LRRC28: variants seen among roughly 807,000 people sequenced by gnomAD.
LRRC28 encodes leucine-rich repeat-containing protein 28.
In LRRC28, 39 loss-of-function variants were observed where a neutral mutation model predicts 45.7. That is an observed-to-expected ratio of 0.85 (90% CI 0.66 to 1.12). LRRC28 has a LOEUF of 1.12. Among genes scored for constraint, LRRC28 ranks in the 50% most tolerant of loss-of-function variants. The pLI, the probability that LRRC28 is intolerant of heterozygous loss-of-function variation, is 0.00. For synonymous variants in LRRC28, 206 were observed against 178.8 expected (o/e 1.15, Z -1.22); for missense variants, 435 against 438.5 (o/e 0.99, Z 0.07).
chr15:99,284,913 C>A, intron 3 of LRRC28: 1 of 594,370 alleles, frequency 1.7e-6, no homozygotes, highest in Non-Finnish European at 3.2e-6. Flanking sequence ...ATCATGACTG[C>A]TGAAGTTTCC....
intron 5 of LRRC28, among the ~76,000 whole-genome samples, chr15:99,290,207 C>T (rs575048585): frequency 5.2e-4 from 78 of 150,364 alleles, no homozygotes; most frequent in African/African-American, 1.6e-3. Flanking sequence ...TGCAGTGAGC[C>T]GAGATTGCAC....
chr15:99,257,535 C>T (rs901222977), intron 2 of LRRC28: 2 of 458,370 alleles, frequency 4.4e-6, no homozygotes, highest in East Asian at 4.4e-5. Context: ...GTGGGCGGAC[C>T]ACGCGGCTGG....
chr15:99,383,921 A>G (rs1214853353), intron 9 of LRRC28, among the ~76,000 whole-genome samples: 1 of 152,144 alleles, frequency 6.6e-6, no homozygotes, highest in Non-Finnish European at 1.5e-5. Context: ...CAGGTGCTTA[A>G]TGTATCATAT....
chr15:99,296,710 C>G (rs2152233812), intron 5 of LRRC28, among the ~76,000 whole-genome samples: 1 of 152,266 alleles, frequency 6.6e-6, no homozygotes, highest in Middle Eastern at 3.4e-3. Flanking sequence ...ATAGTATTTA[C>G]TGCTGCAAAG....
At chr15:99,333,576 ATGACTGTAAT>A in intron 5 of LRRC28, 1 of 241,220 alleles carries the variant, frequency 4.1e-6, no homozygotes, top group Non-Finnish European at 8.1e-6. Context: ...GTTCCTTGAA[ATGACTGTAAT>A]TGTTCTTTTC....
At chr15:99,340,437 A>T (rs982462767) in intron 6 of LRRC28, among the ~76,000 whole-genome samples, 5 of 152,242 alleles carry the variant, frequency 3.3e-5, no homozygotes, top group Non-Finnish European at 7.3e-5. Context: ...ATTGCTGTTT[A>T]CTATTTTTTA....
intron 8 of LRRC28, among the ~76,000 whole-genome samples, chr15:99,362,372 A>G (rs1283523996): frequency 6.6e-6 from 1 of 152,236 alleles, no homozygotes; most frequent in Non-Finnish European, 1.5e-5. Flanking sequence ...GATGATTTGT[A>G]TCTCCTTCCC....
chr15:99,347,278 C>T (rs780252969), intron 6 of LRRC28, among the ~76,000 whole-genome samples: 7 of 151,592 alleles, frequency 4.6e-5, no homozygotes, highest in South Asian at 4.2e-4. Flanking sequence ...GGTGCTATCT[C>T]GGCTCACTGC....
intron 2 of LRRC28, among the ~76,000 whole-genome samples, chr15:99,265,853 C>A (rs1157686230): frequency 6.6e-6 from 1 of 152,114 alleles, no homozygotes; most frequent in Admixed American, 6.5e-5. Context: ...AAAATCTCAA[C>A]CTGGAAGCAA....
chr15:99,269,594 G>C (rs1170687599), intron 2 of LRRC28, among the ~76,000 whole-genome samples: 1 of 152,122 alleles, frequency 6.6e-6, no homozygotes, highest in Non-Finnish European at 1.5e-5. Context: ...AGTAGAGACG[G>C]GTTTCACCAT....
chr15:99,329,489 C>G (rs1400292460), intron 5 of LRRC28, among the ~76,000 whole-genome samples: 2 of 152,198 alleles, frequency 1.3e-5, no homozygotes, highest in Non-Finnish European at 2.9e-5. Context: ...ATTTCCAACA[C>G]TGGAGGTATA....
intron 2 of LRRC28, among the ~76,000 whole-genome samples, chr15:99,274,989 A>G (rs1375257634): frequency 6.6e-6 from 1 of 151,458 alleles, no homozygotes; most frequent in Non-Finnish European, 1.5e-5. Flanking sequence ...TTTACCCTAT[A>G]GTAGCTTGAA....
intron 1 of LRRC28, 120 bp from the exon 2 acceptor site, chr15:99,255,778 G>A (rs2080999034): frequency 7.9e-6 from 4 of 505,120 alleles, no homozygotes; most frequent in Non-Finnish European, 1.4e-5. Flanking sequence ...GTAAAATGTA[G>A]GATTGAATGT....
At chr15:99,383,384 G>A (rs1957887962) in intron 9 of LRRC28, among the ~76,000 whole-genome samples, 1 of 152,200 alleles carries the variant, frequency 6.6e-6, no homozygotes, top group Non-Finnish European at 1.5e-5. Context: ...CCCTTTCAAA[G>A]CTTGCCTGTG....
At chr15:99,275,138 A>G (rs1035217190) in intron 2 of LRRC28, among the ~76,000 whole-genome samples, 6 of 152,208 alleles carry the variant, frequency 3.9e-5, no homozygotes, top group Admixed American at 6.5e-5. Context: ...ATATATGCCT[A>G]TATACTTGTG....
At chr15:99,287,204 T>C (rs2081980481) in intron 3 of LRRC28, 53 bp from the exon 4 acceptor site, 1 of 1,455,514 alleles carries the variant, frequency 6.9e-7, no homozygotes, top group Admixed American at 2.3e-5. Context: ...AAACTGATTA[T>C]CTGGCAAAAG....
At chr15:99,377,019 C>T (rs1300737499) in intron 9 of LRRC28, among the ~76,000 whole-genome samples, 2 of 152,130 alleles carry the variant, frequency 1.3e-5, no homozygotes, top group East Asian at 3.8e-4. Flanking sequence ...GTGCATTTGT[C>T]TTTATAGCAG....
At chr15:99,323,007 A>T (rs907530197) in intron 5 of LRRC28, among the ~76,000 whole-genome samples, 1 of 152,182 alleles carries the variant, frequency 6.6e-6, no homozygotes, top group Admixed American at 6.5e-5. Flanking sequence ...GTTCTTTTCT[A>T]TCATCCAGTA....
intron 9 of LRRC28, among the ~76,000 whole-genome samples, chr15:99,375,131 T>C (rs1957591152): frequency 6.6e-6 from 1 of 152,242 alleles, no homozygotes; most frequent in Non-Finnish European, 1.5e-5. Flanking sequence ...ATGTTCTCTT[T>C]ATTAAATTAA....
Sources: allele counts gnomAD v4.1 joint callset (sites outside exome capture counted in the v4.1 genomes callset), GRCh38; gene constraint gnomAD v4.1.1; transcripts MANE v1.5; gene names NCBI Gene and HGNC (gene_info 2026-07-23, HGNC 2026-07-21).